The following KRT78 variants were observed in gnomAD, a reference collection of about 807,000 sequenced individuals.
KRT78 encodes keratin, type II cytoskeletal 78.
Under a neutral mutation model 51.4 loss-of-function variants are expected in KRT78, and 55 were observed. The ratio of observed to expected loss-of-function variants is 1.07; its 90% CI spans 0.86 to 1.34. The LOEUF (loss-of-function observed/expected upper bound fraction) is 1.34. KRT78 is among the 40% of genes most tolerant of loss of function. The probability of loss-of-function intolerance (pLI) is 0.00; values close to 1 mark genes in which losing one functional copy is unlikely to be tolerated. For synonymous variants in KRT78, 291 were observed against 264.3 expected (o/e 1.10, Z -0.98); for missense variants, 652 against 649.4 (o/e 1.00, Z -0.04).
intron 4 of KRT78, 63 bp from the exon 5 acceptor site, chr12:52,844,786 A>G: frequency 1.3e-6 from 2 of 1,482,308 alleles, no homozygotes; most frequent in South Asian, 1.3e-5. Flanking sequence ...GAAGCCTAGG[A>G]TGGTTGAGCA....
In KRT78 at chr12:52,845,923, AGCC is replaced by A. The variant is rs574689268; in HGVS notation, c.756+271_756+273del. 188 of 409,514 alleles carry A rather than the reference AGCC, an allele frequency of 4.6e-4. 1 individual carries two copies. Among genetic ancestry groups the A allele is most frequent in the African/African-American group, 3.6e-3 (174 of 48,860 alleles). 25.4% of individuals were successfully genotyped at this position (409,514 alleles called of 1,614,324 possible). A position where few individuals can be genotyped will look rare whatever the true frequency, so the allele number is the denominator to read the frequency against. ...AGCTGAGATTGCACCACTGCACTCCAGCCTGGGCAACTGAGCAAGATTCCATCT... is the reference window on the plus strand; with the variant it reads ...AGCTGAGATTGCACCACTGCACTCCATGGGCAACTGAGCAAGATTCCATCT... On this transcript the variant is annotated intron_variant, in intron 4 of 8. Transcript: ENST00000304620.
rs1940688632 is a variant in KRT78 at position 52,848,113 on chromosome 12, G to A, written c.393C>T (p.Phe131=). 6.2e-7 allele frequency: 1 copy of A among 1,614,044 alleles called. No individual in the cohort carries two copies. The highest frequency in any genetic ancestry group is 2.2e-5 in the East Asian group (1 of 44,872). Residue 131 remains phenylalanine, a synonymous_variant, in exon 2 of 9, where the codon TTC becomes TTT. Coordinates refer to ENST00000304620, the MANE Select transcript of KRT78 (RefSeq NM_173352.4). ...CCAGGACCTTGTTCTGCTGCTCCAG[G>A]AACCGCACCTGCAGCAAAAGCAGAG... ...QFASFIDKVR[F]LEQQNKVLET...
Position 52,838,324 on chromosome 12 carries a change from A to G in KRT78, c.*789T>C, listed in dbSNP as rs1270369860. On this transcript the variant is annotated 3_prime_UTR_variant, in exon 9 of 9. Transcript: ENST00000304620. Reference sequence around the variant, plus strand: ...TCCTGGCTTCCTGCAGAGCTTCCTGAAGGAGAGGAAGGAGGAGAAGTTTCC... The same window carrying G: ...TCCTGGCTTCCTGCAGAGCTTCCTGGAGGAGAGGAAGGAGGAGAAGTTTCC... 6.6e-6 allele frequency: 1 copy of G among 152,322 alleles called. No individual in the cohort carries two copies. The highest frequency in any genetic ancestry group is 1.5e-5 in the Non-Finnish European group (1 of 68,206). The allele number at this position is 152,322 out of a possible 1,614,324, so 9.4% of individuals were successfully genotyped here.
At chr12:52,847,370 A>G (rs146699404) in intron 2 of KRT78, among the ~76,000 whole-genome samples, 107 of 152,276 alleles carry the variant, frequency 7.0e-4, no homozygotes, top group African/African-American at 2.5e-3. Context: ...CCTCACTCAC[A>G]GTTGCCCCAA....
At chr12:52,845,430 GAAACC>G (rs1490332647) in intron 4 of KRT78, among the ~76,000 whole-genome samples, 1 of 152,146 alleles carries the variant, frequency 6.6e-6, no homozygotes, top group Non-Finnish European at 1.5e-5. Flanking sequence ...TGGAATCCCA[GAAACC>G]CACCTGCGTG....
At position 52,844,232 on chromosome 12, in the gene KRT78, A is replaced by G; in HGVS notation, c.922-14T>C. 6.3e-7 allele frequency: 1 copy of G among 1,583,620 alleles called. No homozygotes were observed. The highest frequency in any genetic ancestry group is 1.2e-5 in the South Asian group (1 of 86,088). On this transcript the variant is annotated splice_polypyrimidine_tract_variant and intron_variant, in intron 5 of 8. Coordinates refer to ENST00000304620, the MANE Select transcript of KRT78 (RefSeq NM_173352.4). ...AAGTTCCTGGTACTGAGAGGGGAAC[A>G]GAGGGGACACCATTAGTTGAGAGGA... is the stretch of plus-strand genomic sequence containing the variant.
chr12:52,843,045 G>GAAGAAA, intron 6 of KRT78, among the ~76,000 whole-genome samples: 1 of 117,478 alleles, frequency 8.5e-6, no homozygotes, highest in African/African-American at 4.6e-5. Flanking sequence ...AGGGAGGGAG[G>GAAGAAA]GAAGGGAGGA....
At chr12:52,842,961 G>GA (rs1217222099) in intron 6 of KRT78, among the ~76,000 whole-genome samples, 863 of 28,702 alleles carry the variant, frequency 0.03, 31 homozygotes, top group African/African-American at 0.11. Flanking sequence ...GAGAGAGAGA[G>GA]GAAGGAAGGA....
chr12:52,839,606 T>C, intron 7 of KRT78, 119 bp from the exon 8 acceptor site: 1 of 1,310,690 alleles, frequency 7.6e-7, no homozygotes, highest in Non-Finnish European at 1.0e-6. Flanking sequence ...AAATCCACAG[T>C]CTCCAACTTA....
At chr12:52,845,912 C>T (rs1940629539) in intron 4 of KRT78, 1 of 366,350 alleles carries the variant, frequency 2.7e-6, no homozygotes, top group African/African-American at 2.1e-5. Flanking sequence ...GAGATTGCAC[C>T]ACTGCACTCC....
At chr12:52,845,285 C>T (rs575597740) in intron 4 of KRT78, among the ~76,000 whole-genome samples, 1 of 152,116 alleles carries the variant, frequency 6.6e-6, no homozygotes, top group Non-Finnish European at 1.5e-5. Context: ...GGATTATAGG[C>T]ATGAGCCACC....
chr12:52,844,934 C>G (rs1453169705), intron 4 of KRT78, among the ~76,000 whole-genome samples: 3 of 152,012 alleles, frequency 2.0e-5, no homozygotes, highest in Non-Finnish European at 4.4e-5. Flanking sequence ...TCTCTTGCAG[C>G]TTGGACATTA....
In KRT78 at chr12:52,837,844, G is replaced by A. The variant is rs1940381438; in HGVS notation, c.*1269C>T. The A allele has an allele frequency of 6.6e-6, 1 of 152,254 alleles. No individual in the cohort carries two copies. The allele number at this position is 152,254 out of a possible 1,614,324, so 9.4% of individuals were successfully genotyped here. A position where few individuals can be genotyped will look rare whatever the true frequency, so the allele number is the denominator to read the frequency against. ...TCAATTTAATTGAACTACCTTGGAT[G>A]AATTTAGTTTCCTTCTGGGATCCTA... On this transcript the variant is annotated 3_prime_UTR_variant, in exon 9 of 9. Transcript: ENST00000304620.
At position 52,839,330 on chromosome 12, in the gene KRT78, C is replaced by T. The variant is rs1940424310; in HGVS notation, c.1346G>A (p.Gly449Glu). 1 of 1,614,074 alleles carries T rather than the reference C, an allele frequency of 6.2e-7. No individual in the cohort carries two copies. Among genetic ancestry groups the T allele is most frequent in the Non-Finnish European group, 8.5e-7 (1 of 1,180,006 alleles). The stretch of plus-strand genomic sequence containing the variant: ...GAGTCCACAAGTGCTCCCCAAGCCT[C>T]CACCAACTCCTCCAGACATGACAGC... The part of the protein sequence containing the change: ...GSAVMSGGVG[G>E]GLGSTCGLGS... Residue 449 changes from glycine to glutamate, a missense_variant, in exon 9 of 9, where the codon GGA (glycine) becomes GAA (glutamate). Coordinates refer to ENST00000304620, the MANE Select transcript of KRT78 (RefSeq NM_173352.4).
At chr12:52,845,633 G>A (rs1311153701) in intron 4 of KRT78, among the ~76,000 whole-genome samples, 1 of 151,924 alleles carries the variant, frequency 6.6e-6, no homozygotes, top group Non-Finnish European at 1.5e-5. Context: ...TATTTACTAA[G>A]TCTGTTGCTT....
At chr12:52,846,396 T>A in intron 3 of KRT78, 104 bp from the exon 4 acceptor site, 1 of 773,978 alleles carries the variant, frequency 1.3e-6, no homozygotes, top group Admixed American at 1.9e-5. Flanking sequence ...CCATCCACCA[T>A]GCCTCCCAAG....
Position 52,839,111 on chromosome 12 carries a change from G to T in KRT78, c.*2C>A, listed in dbSNP as rs376781668. On this transcript the variant is annotated 3_prime_UTR_variant, in exon 9 of 9. Transcript: ENST00000304620. ...TCAGGAAGGAGGTGGCTGCTGGGTC[G>T]CTCAGTAGGTGATGGATGTCTTCAG... 3.1e-6 allele frequency: 5 copies of T among 1,611,408 alleles called. No homozygotes were observed. In the African/African-American group the frequency reaches 5.3e-5, roughly 17 times the overall value.
rs1940405833 is a variant in KRT78 at position 52,838,871 on chromosome 12, ATGCCACAAT to A, written c.*233_*241del. On this transcript the variant is annotated 3_prime_UTR_variant, in exon 9 of 9. Coordinates refer to ENST00000304620, the MANE Select transcript of KRT78 (RefSeq NM_173352.4). Reference sequence around the variant, plus strand: ...CAATAGAACACGTCTGGACACAGATATGCCACAATTGCCTTCCGAGGAGAGGAAGCTGGG... The same window carrying A: ...CAATAGAACACGTCTGGACACAGATATGCCTTCCGAGGAGAGGAAGCTGGG... The A allele has an allele frequency of 1.7e-6, 1 of 571,758 alleles. No homozygotes were observed. The highest frequency in any genetic ancestry group is 1.9e-5 in the African/African-American group (1 of 53,434). 35.4% of individuals were successfully genotyped at this position (571,758 alleles called of 1,614,324 possible).
intron 1 of KRT78, 68 bp from the exon 2 acceptor site, chr12:52,848,189 A>G (rs1211259350): frequency 6.4e-7 from 1 of 1,573,618 alleles, no homozygotes; most frequent in African/African-American, 1.4e-5. Flanking sequence ...TGGAAAGTAA[A>G]GCCTGAGGGA....
Sources: allele counts gnomAD v4.1 joint callset (sites outside exome capture counted in the v4.1 genomes callset), GRCh38; gene constraint gnomAD v4.1.1; transcripts MANE v1.5; gene names NCBI Gene and HGNC (gene_info 2026-07-23, HGNC 2026-07-21).